DMKN: variants seen among roughly 807,000 people sequenced by gnomAD.
DMKN encodes epidermis-specific secreted protein SK30/SK89.
A neutral mutation model predicts 67.6 loss-of-function variants in DMKN; 58 were observed. That is an observed-to-expected ratio of 0.86 (90% CI 0.69 to 1.07). DMKN has a LOEUF of 1.07. Ranked by LOEUF, DMKN falls within the 50% of genes least tolerant of loss-of-function variation. The probability of loss-of-function intolerance (pLI) is 0.00; values close to 1 mark genes in which losing one functional copy is unlikely to be tolerated. For missense variants in DMKN, 596 were observed against 601.5 expected (o/e 0.99, Z 0.10); for synonymous variants, 240 against 232.3 (o/e 1.03, Z -0.30).
At chr19:35,505,327 G>A (rs574460233) in intron 9 of DMKN, among the ~76,000 whole-genome samples, 1 of 152,256 alleles carries the variant, frequency 6.6e-6, no homozygotes, top group African/African-American at 2.4e-5. Flanking sequence ...GCCAGTGCTG[G>A]TTCCTTTCTC....
At chr19:35,503,461 C>T (rs1568582513) in intron 9 of DMKN, 3 of 1,521,792 alleles carry the variant, frequency 2.0e-6, no homozygotes, top group Non-Finnish European at 2.6e-6. Context: ...GGCAAAGAAA[C>T]AGGTTTTTTT....
chr19:35,507,734 A>C, intron 7 of DMKN: 1 of 549,098 alleles, frequency 1.8e-6, no homozygotes. Context: ...GTGGCTGCTC[A>C]CTTACGATGT....
intron 15 of DMKN, chr19:35,498,339 T>C (rs1208603526): frequency 4.7e-6 from 1 of 211,132 alleles, no homozygotes; most frequent in Non-Finnish European, 9.4e-6. Flanking sequence ...TTTGCCATGT[T>C]TCCCAGGCTG....
rs368062269 is a variant in DMKN at position 35,502,902 on chromosome 19, G to A, written c.1135-16C>T. On this transcript the variant is annotated splice_polypyrimidine_tract_variant and intron_variant, in intron 9 of 15. Transcript: ENST00000339686. ...GGACCTGGTTCTGTGGATGAAAGGC[G>A]GGGAGCAGGTTAGCAGAGAGCCTGG... is the stretch of plus-strand genomic sequence containing the variant. 32 of 1,613,102 alleles carry A rather than the reference G, an allele frequency of 2.0e-5. No homozygotes were observed. Among genetic ancestry groups the A allele is most frequent in the African/African-American group, 5.3e-5 (4 of 74,864 alleles).
At chr19:35,500,159 C>A (rs184326095) in intron 12 of DMKN, 130 bp from the exon 13 acceptor site, 2 of 1,224,192 alleles carry the variant, frequency 1.6e-6, no homozygotes, top group South Asian at 1.3e-5. Flanking sequence ...CCTTGTGTCA[C>A]GTGTTTTCTT....
In DMKN at chr19:35,509,848, A is replaced by C. The variant is rs377169459; in HGVS notation, c.1038+63T>G. On this transcript the variant is annotated intron_variant, in intron 7 of 15. Coordinates refer to ENST00000339686, the MANE Select transcript of DMKN (RefSeq NM_033317.5). The stretch of plus-strand genomic sequence containing the variant: ...GGTTGAGCAGAGTTGAGTTAGGAGG[A>C]GTGGGCACAGTCCTGGGCAGGAACT... The C allele has an allele frequency of 6.3e-6, 10 of 1,582,362 alleles. No homozygotes were observed. In the African/African-American group the frequency reaches 1.2e-4, roughly 19 times the overall value.
At position 35,502,847 on chromosome 19, in the gene DMKN, A is replaced by G. The variant is rs775591210; in HGVS notation, c.1174T>C (p.Phe392Leu). The change falls in exon 10 of 16, where the codon TTC becomes CTC. Residue 392 changes from phenylalanine to leucine, a missense_variant. By Grantham distance (22) the Phe-to-Leu change is conservative (BLOSUM62 0). Coordinates refer to ENST00000339686, the MANE Select transcript of DMKN (RefSeq NM_033317.5). ...PPPSTRALLYFSRLWEDFKQN... is the reference protein window; with the variant it reads ...PPPSTRALLYLSRLWEDFKQN... ...TCTCCTACCTCCCAGAGTCGGCTGAAGTAGAGGAGGGCTCGGGTGCTGGGG... is the reference window on the plus strand; with the variant it reads ...TCTCCTACCTCCCAGAGTCGGCTGAGGTAGAGGAGGGCTCGGGTGCTGGGG... 6.2e-7 allele frequency: 1 copy of G among 1,614,076 alleles called. No individual in the cohort carries two copies. Among genetic ancestry groups the G allele is most frequent in the Non-Finnish European group, 8.5e-7 (1 of 1,179,980 alleles).
chr19:35,510,434 G>A (rs1367397963), intron 5 of DMKN, 182 bp from the exon 6 acceptor site: 3 of 1,552,272 alleles, frequency 1.9e-6, no homozygotes, highest in Admixed American at 2.0e-5. Flanking sequence ...GCATGGAGAA[G>A]GCCAGGTGTG....
intron 7 of DMKN, 52 bp from the exon 8 acceptor site, chr19:35,506,038 G>A (rs1196904309): frequency 1.7e-5 from 27 of 1,613,728 alleles, no homozygotes; most frequent in Non-Finnish European, 2.3e-5. Context: ...TTGTGAGCCA[G>A]AGTCGGGAGA....
chr19:35,500,474 G>A lies in DMKN; in HGVS notation c.1287+59C>T, dbSNP rs374804708. ...AGAGAATTTCAGATTGCCCAGACCC[G>A]GGAGCAAGGCCAAGGGGGACCAAGG... On this transcript the variant is annotated intron_variant, in intron 12 of 15. Transcript: ENST00000339686. 91 of 1,583,210 alleles carry A rather than the reference G, an allele frequency of 5.7e-5. No homozygotes were observed. In the African/African-American group the frequency reaches 9.0e-4, roughly 16 times the overall value.
chr19:35,499,415 G>T, intron 13 of DMKN: 1 of 180,046 alleles, frequency 5.6e-6, no homozygotes, highest in Non-Finnish European at 1.2e-5. Flanking sequence ...ATTTACTGAT[G>T]TTATGAGATT....
chr19:35,512,480 G>C lies in DMKN; in HGVS notation c.628-3C>G. 6.2e-7 allele frequency: 1 copy of C among 1,614,206 alleles called. No individual in the cohort carries two copies. Among genetic ancestry groups the C allele is most frequent in the Non-Finnish European group, 8.5e-7 (1 of 1,180,040 alleles). On this transcript the variant is annotated splice_polypyrimidine_tract_variant and splice_region_variant and intron_variant, in intron 2 of 15. Transcript: ENST00000339686. ...TAGCCAGGCTGGGCCACAGCTCCCT[G>C]CAGAGAGGGTGAGACTGAGAGTAGG...
rs1200012620 is a variant in DMKN, at chr19:35,503,553, G to A, written c.1135-667C>T. On this transcript the variant is annotated intron_variant, in intron 9 of 15. Transcript: ENST00000339686. Reference sequence around the variant, plus strand: ...TGCAGTGGCACGATATCAGCTCACCGCAACCTCCGCTTCCCAGGTTCAAGC... The same window carrying A: ...TGCAGTGGCACGATATCAGCTCACCACAACCTCCGCTTCCCAGGTTCAAGC... 262 of 1,443,820 alleles carry A rather than the reference G, an allele frequency of 1.8e-4. 1 individual carries two copies. The highest frequency in any genetic ancestry group is 8.9e-4 in the South Asian group (68 of 76,796). The allele number at this position is 1,443,820 out of a possible 1,614,324, so 89.4% of individuals were successfully genotyped here.
At chr19:35,501,814 G>T in intron 11 of DMKN, 1 of 1,563,248 alleles carries the variant, frequency 6.4e-7, no homozygotes, top group South Asian at 1.2e-5. Context: ...TGCACCCTGC[G>T]GTACCCACCC....
chr19:35,497,897 G>A (rs2067709858), intron 15 of DMKN: 2 of 152,236 alleles, frequency 1.3e-5, no homozygotes, highest in South Asian at 2.1e-4. Flanking sequence ...GAGGGTCCTA[G>A]GTCATTTTCT....
intron 13 of DMKN, 87 bp downstream of exon 13, chr19:35,499,871 A>G (rs1180429775): frequency 1.4e-6 from 2 of 1,477,760 alleles, no homozygotes; most frequent in Non-Finnish European, 1.9e-6. Context: ...CCGGCAACCA[A>G]CCGAGAGGAC....
chr19:35,500,621 G>A lies in DMKN; in HGVS notation c.1240-41C>T, dbSNP rs758238877. On this transcript the variant is annotated intron_variant, in intron 11 of 15. Coordinates refer to ENST00000339686, the MANE Select transcript of DMKN (RefSeq NM_033317.5). ...GGCCACAGTTCGTGCCTCCGCAGTC[G>A]TGCGGGCATTGCCGGGCTTTCAGAG... 3.0e-5 allele frequency: 48 copies of A among 1,582,592 alleles called. No homozygotes were observed. The Middle Eastern group carries it at 8.4e-4, about 28-fold the overall frequency.
chr19:35,500,350 C>G, intron 12 of DMKN, 183 bp downstream of exon 12: 1 of 1,549,930 alleles, frequency 6.5e-7, no homozygotes, highest in Non-Finnish European at 8.7e-7. Flanking sequence ...CAGGACGTAA[C>G]CCAGCGGGTC....
At position 35,499,834 on chromosome 19, in the gene DMKN, G is replaced by T. The variant is rs533036243; in HGVS notation, c.1359+124C>A. The T allele has an allele frequency of 1.2e-5, 12 of 983,884 alleles. No homozygotes were observed. The African/African-American group carries it at 1.3e-4, about 11-fold the overall frequency. 60.9% of individuals were successfully genotyped at this position (983,884 alleles called of 1,614,324 possible). A position where few individuals can be genotyped will look rare whatever the true frequency, so the allele number is the denominator to read the frequency against. On this transcript the variant is annotated intron_variant, in intron 13 of 15. Transcript: ENST00000339686. ...CCCTTGCAAAGGGGTGGGGAGGCCT[G>T]GACTCAAAGAGAGCGGGATCCGGCC...
Sources: allele counts gnomAD v4.1 joint callset (sites outside exome capture counted in the v4.1 genomes callset), GRCh38; gene constraint gnomAD v4.1.1; transcripts MANE v1.5; gene names NCBI Gene and HGNC (gene_info 2026-07-23, HGNC 2026-07-21).